The following ATXN7L1 variants were observed in gnomAD, a reference collection of about 807,000 sequenced individuals.
The protein encoded by ATXN7L1 is ataxin-7-like protein 1.
A neutral mutation model predicts 70.8 loss-of-function variants in ATXN7L1; 15 were observed. The ratio of observed to expected loss-of-function variants is 0.21; its 90% CI spans 0.14 to 0.33. The LOEUF is 0.33. Among genes scored for constraint, ATXN7L1 ranks in the 10% least tolerant of loss-of-function variants. The pLI is 1.00. For synonymous variants in ATXN7L1, 440 were observed against 445.1 expected, an observed-to-expected ratio of 0.99 and a Z score of 0.14; for missense variants, 975 against 1,097.1, an observed-to-expected ratio of 0.89 and a Z score of 1.57.
intron 3 of ATXN7L1, among the ~76,000 whole-genome samples, chr7:105,701,968 C>A (rs1450529032): frequency 2.0e-5 from 3 of 152,240 alleles, no homozygotes; most frequent in Admixed American, 2.0e-4. Flanking sequence ...CTCAAGCAGA[C>A]GTGTTTGCTA....
intron 4 of ATXN7L1, among the ~76,000 whole-genome samples, chr7:105,660,007 C>T (rs1444706998): frequency 1.3e-5 from 2 of 152,014 alleles, no homozygotes; most frequent in East Asian, 1.9e-4. Flanking sequence ...CTTGAGGAAG[C>T]GGCAGGACCA....
intron 3 of ATXN7L1, among the ~76,000 whole-genome samples, chr7:105,704,387 C>G (rs2116246401): frequency 6.6e-6 from 1 of 152,270 alleles, no homozygotes; most frequent in Non-Finnish European, 1.5e-5. Flanking sequence ...CTTTATTCTG[C>G]TAATGAGAAC....
chr7:105,798,311 T>G (rs1806296112), intron 2 of ATXN7L1, among the ~76,000 whole-genome samples: 1 of 152,196 alleles, frequency 6.6e-6, no homozygotes, highest in South Asian at 2.1e-4. Context: ...TTGGGTGTTT[T>G]TTGGATGCTC....
At chr7:105,673,541 T>C (rs1804105060) in intron 3 of ATXN7L1, among the ~76,000 whole-genome samples, 1 of 152,224 alleles carries the variant, frequency 6.6e-6, no homozygotes, top group Admixed American at 6.5e-5. Context: ...GGCAAGTCAT[T>C]AGCCGGTTTC....
Position 105,718,725 on chromosome 7 carries a change from G to C in ATXN7L1, c.356-53437C>G, listed in dbSNP as rs536359944. Among the ~76,000 whole-genome samples, 5 of 152,330 alleles carry C rather than the reference G, an allele frequency of 3.3e-5. No homozygotes were observed. In the East Asian group the frequency reaches 9.6e-4, roughly 29 times the overall value. On this transcript the variant is annotated intron_variant, in intron 3 of 11. Coordinates refer to ENST00000419735, the MANE Select transcript of ATXN7L1 (RefSeq NM_020725.2). Reference sequence around the variant, plus strand: ...GGGCCAACCCAGGTTACTAATCACAGGTCAGGTATTCAGGTCAGATGTCCA... The same window carrying C: ...GGGCCAACCCAGGTTACTAATCACACGTCAGGTATTCAGGTCAGATGTCCA...
At chr7:105,708,523 T>C (rs927630222) in intron 3 of ATXN7L1, among the ~76,000 whole-genome samples, 1 of 152,194 alleles carries the variant, frequency 6.6e-6, no homozygotes, top group Non-Finnish European at 1.5e-5. Context: ...GCGCAACTTA[T>C]TTGGGAATGT....
intron 3 of ATXN7L1, among the ~76,000 whole-genome samples, chr7:105,670,319 T>C (rs1204610612): frequency 6.6e-6 from 1 of 152,232 alleles, no homozygotes; most frequent in African/African-American, 2.4e-5. Flanking sequence ...ATTAAGGGAC[T>C]GCCTAAGGTA....
chr7:105,849,273 C>CA (rs1814523285), intron 2 of ATXN7L1, among the ~76,000 whole-genome samples: 1 of 152,200 alleles, frequency 6.6e-6, no homozygotes, highest in Admixed American at 6.5e-5. Context: ...CACTCCTTGA[C>CA]AACACCACAA....
At chr7:105,618,086 G>A (rs1473472426) in intron 9 of ATXN7L1, 2 of 456,560 alleles carry the variant, frequency 4.4e-6, no homozygotes, top group African/African-American at 2.0e-5. Flanking sequence ...CCTGTGGCTC[G>A]GGTTTCTGTG....
At chr7:105,815,880 G>A (rs1006955560) in intron 2 of ATXN7L1, among the ~76,000 whole-genome samples, 2 of 152,220 alleles carry the variant, frequency 1.3e-5, no homozygotes, top group African/African-American at 4.8e-5. Flanking sequence ...TTTGGCAGAT[G>A]CCACTGGTAG....
At chr7:105,721,085 C>G (rs1258718411) in intron 3 of ATXN7L1, among the ~76,000 whole-genome samples, 2 of 152,126 alleles carry the variant, frequency 1.3e-5, no homozygotes, top group Non-Finnish European at 2.9e-5. Context: ...CCACGACCAC[C>G]CAACACCAAA....
chr7:105,652,995 C>T (rs1800089150), intron 4 of ATXN7L1, among the ~76,000 whole-genome samples: 1 of 152,150 alleles, frequency 6.6e-6, no homozygotes, highest in South Asian at 2.1e-4. Flanking sequence ...CCTGAACCAC[C>T]TCCATCCAGA....
chr7:105,758,285 G>T (rs1800056999), intron 3 of ATXN7L1, among the ~76,000 whole-genome samples: 1 of 152,150 alleles, frequency 6.6e-6, no homozygotes, highest in Non-Finnish European at 1.5e-5. Flanking sequence ...CCTGGGCTGG[G>T]CTCAATCTAA....
chr7:105,761,550 G>C, intron 3 of ATXN7L1: 1 of 1,521,958 alleles, frequency 6.6e-7, no homozygotes. Flanking sequence ...GATTACTCAT[G>C]CCAATTGCCA....
chr7:105,715,172 T>C (rs971437257), intron 3 of ATXN7L1, among the ~76,000 whole-genome samples: 2 of 152,176 alleles, frequency 1.3e-5, no homozygotes, highest in African/African-American at 4.8e-5. Context: ...GGAGGCAGCT[T>C]GGTATATCAG....
chr7:105,659,008 G>A (rs1424589807), intron 4 of ATXN7L1, among the ~76,000 whole-genome samples: 1 of 152,150 alleles, frequency 6.6e-6, no homozygotes, highest in African/African-American at 2.4e-5. Flanking sequence ...ATGGTGGTGG[G>A]CACCTGTAAT....
chr7:105,643,748 G>T (rs1046019455), intron 4 of ATXN7L1, among the ~76,000 whole-genome samples: 1 of 152,236 alleles, frequency 6.6e-6, no homozygotes, highest in Non-Finnish European at 1.5e-5. Context: ...TCCATTTTAG[G>T]CAGCTAGTTA....
intron 2 of ATXN7L1, among the ~76,000 whole-genome samples, chr7:105,818,179 T>A (rs559352499): frequency 6.6e-6 from 1 of 152,270 alleles, no homozygotes; most frequent in South Asian, 2.1e-4. Context: ...AAAAAAAATT[T>A]TTTTTTGAGA....
chr7:105,819,924 T>G, intron 2 of ATXN7L1: 1 of 510,814 alleles, frequency 2.0e-6, no homozygotes. Context: ...CTCACGAGGT[T>G]TGCTGTAAGT....
Sources: gnomAD v4.1 joint callset for allele counts (sites outside exome capture counted in the v4.1 genomes callset) on GRCh38, gnomAD v4.1.1 for gene constraint, MANE v1.5 for transcripts, NCBI Gene and HGNC (gene_info 2026-07-23, HGNC 2026-07-21) for gene names.